FDX1: variants seen among roughly 807,000 people sequenced by gnomAD.
The protein encoded by FDX1 is ferredoxin 1.
In FDX1, 9 loss-of-function variants were observed where a neutral mutation model predicts 14.9. The observed-to-expected ratio is 0.60, with a 90% confidence interval of 0.36 to 1.05. The LOEUF (loss-of-function observed/expected upper bound fraction) is 1.05. FDX1 is among the 50% of genes least tolerant of loss of function. FDX1 has a pLI of 0.01. For synonymous variants in FDX1, 92 were observed against 99.4 expected (o/e 0.93, Z 0.44); for missense variants, 204 against 237.2 (o/e 0.86, Z 0.92).
At chr11:110,452,232 A>G (rs1447196486) in intron 2 of FDX1, among the ~76,000 whole-genome samples, 1 of 151,958 alleles carries the variant, frequency 6.6e-6, no homozygotes, top group African/African-American at 2.4e-5. Flanking sequence ...TATAAGAAAA[A>G]TAAATTAGAG....
At chr11:110,459,553 T>C (rs1373171942) in intron 3 of FDX1, among the ~76,000 whole-genome samples, 1 of 152,246 alleles carries the variant, frequency 6.6e-6, no homozygotes, top group Admixed American at 6.5e-5. Context: ...CCAAAGCCTT[T>C]AGTCTTTTAC....
intron 2 of FDX1, among the ~76,000 whole-genome samples, chr11:110,443,410 G>A (rs1946418116): frequency 6.8e-6 from 1 of 147,622 alleles, no homozygotes; most frequent in Non-Finnish European, 1.5e-5. Flanking sequence ...TTAACATGCC[G>A]TCTGTGGTTT....
At chr11:110,434,146 C>G (rs1946350482) in intron 1 of FDX1, among the ~76,000 whole-genome samples, 1 of 151,932 alleles carries the variant, frequency 6.6e-6, no homozygotes, top group South Asian at 2.1e-4. Context: ...AGTTAACATA[C>G]TATCTTAAAA....
At chr11:110,454,431 C>T (rs560084658) in intron 2 of FDX1, among the ~76,000 whole-genome samples, 2 of 152,248 alleles carry the variant, frequency 1.3e-5, no homozygotes, top group South Asian at 2.1e-4. Context: ...AGCCTTTTAT[C>T]TCCATTTAAT....
intron 2 of FDX1, among the ~76,000 whole-genome samples, chr11:110,439,667 G>A (rs372956367): frequency 1.8e-3 from 281 of 152,150 alleles, no homozygotes; most frequent in South Asian, 0.011. Context: ...TTAATGTGTC[G>A]AAGCTCTTTA....
At chr11:110,443,272 C>T (rs1946416710) in intron 2 of FDX1, among the ~76,000 whole-genome samples, 1 of 149,086 alleles carries the variant, frequency 6.7e-6, no homozygotes, top group Non-Finnish European at 1.5e-5. Flanking sequence ...CTGCCCTGCC[C>T]CGCTACCTTT....
At chr11:110,456,047 G>T (rs1319461564) in intron 2 of FDX1, among the ~76,000 whole-genome samples, 1 of 152,096 alleles carries the variant, frequency 6.6e-6, no homozygotes, top group East Asian at 1.9e-4. Flanking sequence ...TATGTATTCA[G>T]TAAACCACTG....
chr11:110,461,566 A>G (rs1312747233), intron 3 of FDX1, among the ~76,000 whole-genome samples: 1 of 151,934 alleles, frequency 6.6e-6, no homozygotes, highest in Non-Finnish European at 1.5e-5. Context: ...GCAAAAAAAA[A>G]AGGAAATTAG....
intron 2 of FDX1, among the ~76,000 whole-genome samples, chr11:110,444,606 A>G (rs1339503086): frequency 1.4e-5 from 2 of 145,074 alleles, no homozygotes; most frequent in Admixed American, 1.4e-4. Flanking sequence ...ACTGAGCAAG[A>G]CTGTCTCAAA....
chr11:110,452,916 G>C (rs1018283153), intron 2 of FDX1, among the ~76,000 whole-genome samples: 2 of 152,236 alleles, frequency 1.3e-5, no homozygotes, highest in Admixed American at 1.3e-4. Context: ...GTGGTTACCA[G>C]GGGTTAGGGA....
chr11:110,463,081 A>C lies in FDX1; in HGVS notation c.*613A>C, dbSNP rs1312054608. On this transcript the variant is annotated 3_prime_UTR_variant, in exon 4 of 4. Coordinates refer to ENST00000260270, the MANE Select transcript of FDX1 (RefSeq NM_004109.5). ...TTCAAAATTTTGATTCGGAAGACTA[A>C]GTCTGGACGTAGACATTATAATGCT... 6.6e-6 allele frequency: 1 copy of C among 152,270 alleles called. No homozygotes were observed. Among genetic ancestry groups the C allele is most frequent in the African/African-American group, 2.4e-5 (1 of 41,466 alleles). 9.4% of individuals were successfully genotyped at this position (152,270 alleles called of 1,614,324 possible).
intron 1 of FDX1, among the ~76,000 whole-genome samples, chr11:110,433,406 C>T (rs1287046628): frequency 6.6e-6 from 1 of 152,164 alleles, no homozygotes; most frequent in Non-Finnish European, 1.5e-5. Context: ...AATGGTACCA[C>T]CTAATTGTGT....
chr11:110,463,857 A>G lies in FDX1; in HGVS notation c.*1389A>G, dbSNP rs1246433542. The stretch of plus-strand genomic sequence containing the variant: ...ATTCATATGTAAAAAGTGATTAGGA[A>G]GAACTTGAAGTATCATTTGATGCTT... On this transcript the variant is annotated 3_prime_UTR_variant, in exon 4 of 4. Transcript: ENST00000260270. The G allele has an allele frequency of 1.3e-5, 2 of 152,142 alleles. No homozygotes were observed. The highest frequency in any genetic ancestry group is 4.8e-5 in the African/African-American group (2 of 41,428). The allele number at this position is 152,142 out of a possible 1,614,324, so 9.4% of individuals were successfully genotyped here. A position where few individuals can be genotyped will look rare whatever the true frequency, so the allele number is the denominator to read the frequency against.
chr11:110,461,217 T>G (rs2134695204), intron 3 of FDX1, among the ~76,000 whole-genome samples: 1 of 152,228 alleles, frequency 6.6e-6, no homozygotes, highest in South Asian at 2.1e-4. Context: ...AGAAAATGGC[T>G]GAGTGCGGTG....
At chr11:110,434,270 C>G (rs1377704148) in intron 1 of FDX1, among the ~76,000 whole-genome samples, 1 of 151,030 alleles carries the variant, frequency 6.6e-6, no homozygotes, top group East Asian at 2.0e-4. Flanking sequence ...ACGCAGAAAA[C>G]TACTAAACAA....
Position 110,430,205 on chromosome 11 carries a change from G to C in FDX1, c.85G>C (p.Gly29Arg). 8.2e-7 allele frequency: 1 copy of C among 1,221,964 alleles called. No individual in the cohort carries two copies. Among genetic ancestry groups the C allele is most frequent in the Non-Finnish European group, 1.0e-6 (1 of 982,914 alleles). The allele number at this position is 1,221,964 out of a possible 1,614,324, so 75.7% of individuals were successfully genotyped here. A position where few individuals can be genotyped will look rare whatever the true frequency, so the allele number is the denominator to read the frequency against. ...GPAGRWLHHA[G>R]SRAGSSGLLR... is the part of the protein sequence containing the mutation. ...GGCCGGCCGGTGGCTGCACCACGCTGGGTCCCGCGCTGGATCCAGCGGCCT... is the reference window on the plus strand; with the variant it reads ...GGCCGGCCGGTGGCTGCACCACGCTCGGTCCCGCGCTGGATCCAGCGGCCT... Residue 29 changes from glycine (G) to arginine (R), a missense_variant, in exon 1 of 4, where the codon GGG (glycine) becomes CGG (arginine). Physicochemically the swap from Gly to Arg is moderately radical, Grantham distance 125. Coordinates refer to ENST00000260270, the MANE Select transcript of FDX1 (RefSeq NM_004109.5).
At chr11:110,462,157 G>A (rs1946560415) in intron 3 of FDX1, among the ~76,000 whole-genome samples, 197 bp from the exon 4 acceptor site, 1 of 152,102 alleles carries the variant, frequency 6.6e-6, no homozygotes, top group African/African-American at 2.4e-5. Flanking sequence ...CAAGTTTATT[G>A]TATTCATATT....
At position 110,446,121 on chromosome 11, in the gene FDX1, A is replaced by G. The variant is rs552953900; in HGVS notation, c.310+10163A>G. Among the ~76,000 whole-genome samples the G allele has an allele frequency of 2.6e-5, 4 of 152,362 alleles. No individual in the cohort carries two copies. In the South Asian group the frequency reaches 6.2e-4, roughly 24 times the overall value. ...CTTTGTATTTAAAGATAAGCTTGAGATAAGTAAGCTAAACTAGATTCACCA... is the reference window on the plus strand; with the variant it reads ...CTTTGTATTTAAAGATAAGCTTGAGGTAAGTAAGCTAAACTAGATTCACCA... On this transcript the variant is annotated intron_variant, in intron 2 of 3. Coordinates refer to ENST00000260270, the MANE Select transcript of FDX1 (RefSeq NM_004109.5).
At chr11:110,437,746 A>G (rs574208419) in intron 2 of FDX1, among the ~76,000 whole-genome samples, 30 of 152,312 alleles carry the variant, frequency 2.0e-4, no homozygotes, top group African/African-American at 6.7e-4. Context: ...CCTGTCACCT[A>G]GGCAGTAGGC....
Sources: gnomAD v4.1 joint callset for allele counts (sites outside exome capture counted in the v4.1 genomes callset) on GRCh38, gnomAD v4.1.1 for gene constraint, MANE v1.5 for transcripts, NCBI Gene and HGNC (gene_info 2026-07-23, HGNC 2026-07-21) for gene names.